PRKCB: variants seen among roughly 807,000 people sequenced by gnomAD.
The protein encoded by PRKCB is protein kinase C beta type.
Under a neutral mutation model 81.5 loss-of-function variants are expected in PRKCB, and 13 were observed. The ratio of observed to expected loss-of-function variants is 0.16; its 90% CI spans 0.10 to 0.25. PRKCB has a LOEUF of 0.25. PRKCB is among the 10% of genes least tolerant of loss of function. The pLI is 1.00. For missense variants in PRKCB, 509 were observed against 875.7 expected (o/e 0.58, Z 5.29); for synonymous variants, 335 against 321.4 (o/e 1.04, Z -0.45).
intron 7 of PRKCB, chr16:24,099,743 C>G (rs1966481170): frequency 6.6e-6 from 1 of 152,106 alleles, no homozygotes; most frequent in South Asian, 2.1e-4. Flanking sequence ...GAGACCGAGG[C>G]AGGTGGATCA....
chr16:23,968,258 A>G (rs768782050), intron 2 of PRKCB, among the ~76,000 whole-genome samples: 6 of 152,196 alleles, frequency 3.9e-5, no homozygotes, highest in Non-Finnish European at 7.3e-5. Context: ...CCTGCAGGAA[A>G]TAGAACCATT....
intron 10 of PRKCB, among the ~76,000 whole-genome samples, chr16:24,160,609 A>T (rs1263325295): frequency 6.6e-6 from 1 of 152,230 alleles, no homozygotes; most frequent in Non-Finnish European, 1.5e-5. Flanking sequence ...TAATTGTATC[A>T]GGCCCCATTG....
chr16:24,071,466 A>T (rs112915151), intron 5 of PRKCB, among the ~76,000 whole-genome samples: 2 of 150,476 alleles, frequency 1.3e-5, no homozygotes, highest in Non-Finnish European at 3.0e-5. Flanking sequence ...AAAAAAAGAC[A>T]AACAGGACTG....
intron 5 of PRKCB, among the ~76,000 whole-genome samples, chr16:24,080,006 G>C (rs1261549557): frequency 6.6e-6 from 1 of 152,036 alleles, no homozygotes; most frequent in Non-Finnish European, 1.5e-5. Context: ...CTTTGACCTA[G>C]TTTTATAGTG....
At chr16:24,155,299 G>C (rs1391523051) in intron 10 of PRKCB, among the ~76,000 whole-genome samples, 1 of 152,148 alleles carries the variant, frequency 6.6e-6, no homozygotes, top group South Asian at 2.1e-4. Flanking sequence ...CACAGCCCTC[G>C]AGGACTCTCA....
chr16:24,062,297 A>C (rs1041280367), intron 5 of PRKCB, among the ~76,000 whole-genome samples: 1 of 152,046 alleles, frequency 6.6e-6, no homozygotes, highest in African/African-American at 2.4e-5. Context: ...AGGGACAGGG[A>C]TGCCTTGGCC....
chr16:24,057,248 G>C (rs1280734202), intron 5 of PRKCB, among the ~76,000 whole-genome samples: 1 of 152,120 alleles, frequency 6.6e-6, no homozygotes, highest in African/African-American at 2.4e-5. Flanking sequence ...CCCCATGTCA[G>C]CCCTATGAAA....
chr16:23,937,866 G>T (rs1296921870), intron 2 of PRKCB, among the ~76,000 whole-genome samples: 1 of 152,192 alleles, frequency 6.6e-6, no homozygotes, highest in African/African-American at 2.4e-5. Context: ...GGTTTGTGTA[G>T]GGAACTGCTG....
intron 3 of PRKCB, among the ~76,000 whole-genome samples, chr16:24,023,382 A>C (rs557311325): frequency 6.6e-6 from 1 of 151,772 alleles, no homozygotes; most frequent in Non-Finnish European, 1.5e-5. Flanking sequence ...TTATTTATTT[A>C]TTTTGAGACG....
intron 7 of PRKCB, among the ~76,000 whole-genome samples, chr16:24,108,131 ACCTTGATTT>A (rs924812108): frequency 1.6e-4 from 24 of 150,652 alleles, no homozygotes; most frequent in African/African-American, 5.8e-4. Context: ...CACGTGCATA[ACCTTGATTT>A]CCTTGATTTC....
chr16:23,856,717 G>A (rs1962575207), intron 2 of PRKCB, among the ~76,000 whole-genome samples: 1 of 152,022 alleles, frequency 6.6e-6, no homozygotes, highest in Admixed American at 6.6e-5. Flanking sequence ...TAGAGATAGG[G>A]TCTCCCTATG....
chr16:23,855,905 A>G (rs1962558217), intron 2 of PRKCB, among the ~76,000 whole-genome samples: 1 of 152,134 alleles, frequency 6.6e-6, no homozygotes, highest in Non-Finnish European at 1.5e-5. Flanking sequence ...GCTGTGAGCA[A>G]TTGGTTTTCC....
chr16:24,121,564 A>G (rs1001709617), intron 8 of PRKCB, among the ~76,000 whole-genome samples: 3 of 151,908 alleles, frequency 2.0e-5, no homozygotes, highest in African/African-American at 7.3e-5. Context: ...TTTTTTTGAG[A>G]TAGGGTCTGG....
rs1305425081 is a variant in PRKCB, at chr16:23,990,514, A to G, written c.288+1924A>G. 6.6e-5 allele frequency among the ~76,000 whole-genome samples: 10 copies of G among 150,706 alleles called. No individual in the cohort carries two copies. In the East Asian group the frequency reaches 1.6e-3, roughly 23 times the overall value. The stretch of plus-strand genomic sequence containing the variant: ...TTTTTTTCTTTTTTTTTTTAAGCAA[A>G]GTCTTACTCTTTGAAGCCTTCTCTT... On this transcript the variant is annotated intron_variant, in intron 3 of 16. Transcript: ENST00000643927.
chr16:24,137,393 A>G (rs950052368), intron 9 of PRKCB, among the ~76,000 whole-genome samples: 1 of 151,894 alleles, frequency 6.6e-6, no homozygotes, highest in Non-Finnish European at 1.5e-5. Flanking sequence ...CTCATTATGT[A>G]GACCAGGCTG....
intron 2 of PRKCB, among the ~76,000 whole-genome samples, chr16:23,874,568 C>CTT (rs58560122): frequency 0.023 from 3,100 of 132,676 alleles, 88 homozygotes; most frequent in African/African-American, 0.063. Flanking sequence ...ATTCTTCTCT[C>CTT]TTTTTTTTTT....
intron 2 of PRKCB, among the ~76,000 whole-genome samples, chr16:23,902,231 T>C (rs1463449531): frequency 1.3e-5 from 2 of 152,122 alleles, no homozygotes; most frequent in African/African-American, 2.4e-5. Context: ...AGGGAGAAGA[T>C]CCAAGAAGAC....
intron 16 of PRKCB, among the ~76,000 whole-genome samples, chr16:24,192,584 T>C (rs939446393): frequency 6.6e-6 from 1 of 152,192 alleles, no homozygotes; most frequent in Non-Finnish European, 1.5e-5. Context: ...GACCTCCCTT[T>C]CCTCTCTTGG....
intron 2 of PRKCB, among the ~76,000 whole-genome samples, chr16:23,968,211 T>G (rs142752408): frequency 6.6e-6 from 1 of 152,290 alleles, no homozygotes; most frequent in African/African-American, 2.4e-5. Flanking sequence ...CTTGTGTGAC[T>G]GTGGACAAGT....
Sources: allele counts gnomAD v4.1 joint callset (sites outside exome capture counted in the v4.1 genomes callset), GRCh38; gene constraint gnomAD v4.1.1; transcripts MANE v1.5; gene names NCBI Gene and HGNC (gene_info 2026-07-23, HGNC 2026-07-21).